FAM178B: variants seen among roughly 807,000 people sequenced by gnomAD.
FAM178B encodes the protein protein FAM178B.
Under a neutral mutation model 91.7 loss-of-function variants are expected in FAM178B, and 82 were observed. The observed-to-expected ratio is 0.89, with a 90% CI of 0.75 to 1.07. The LOEUF is 1.07. Among genes scored for constraint, FAM178B ranks in the 50% least tolerant of loss-of-function variants. The pLI is 0.00. For missense variants in FAM178B, 769 were observed against 846.7 expected, an observed-to-expected ratio of 0.91 and a Z score of 1.14; for synonymous variants, 368 against 359.4, an observed-to-expected ratio of 1.02 and a Z score of -0.27.
intron 13 of FAM178B, chr2:96,895,091 G>A (rs2080794374): frequency 1.6e-6 from 2 of 1,289,286 alleles, no homozygotes; most frequent in Non-Finnish European, 2.0e-6. Context: ...TCTTCATTCC[G>A]CCTGGCCTGT....
At chr2:96,975,534 T>G (rs1380131852) in intron 1 of FAM178B, among the ~76,000 whole-genome samples, 2 of 152,216 alleles carry the variant, frequency 1.3e-5, no homozygotes, top group Non-Finnish European at 2.9e-5. Flanking sequence ...GGGATATCCA[T>G]CACCTTAAAT....
At chr2:96,916,255 T>C (rs999940227) in intron 12 of FAM178B, among the ~76,000 whole-genome samples, 1 of 152,234 alleles carries the variant, frequency 6.6e-6, no homozygotes, top group African/African-American at 2.4e-5. Flanking sequence ...CAGGGAAGCA[T>C]ATGCCTGTTT....
rs565720011 is a variant in FAM178B at position 96,911,777 on chromosome 2, C to T, written c.1563-9070G>A. On this transcript the variant is annotated intron_variant, in intron 12 of 16. Transcript: ENST00000490605. ...GGGAGATTGGGGAGCTCCAGGGCAC[C>T]GAATCTGTCCATAGGACTCCAGGCC... Among the ~76,000 whole-genome samples the T allele has an allele frequency of 3.0e-4, 46 of 152,160 alleles. 1 individual carries two copies. The highest frequency in any genetic ancestry group is 1.0e-3 in the African/African-American group (42 of 41,518).
chr2:96,956,794 T>C (rs2082005590), intron 6 of FAM178B: 1 of 152,220 alleles, frequency 6.6e-6, no homozygotes, highest in East Asian at 1.9e-4. Context: ...TCCAGCATGT[T>C]CAGGGTGGCA....
intron 8 of FAM178B, among the ~76,000 whole-genome samples, chr2:96,943,947 A>T (rs1447479225): frequency 6.6e-6 from 1 of 152,006 alleles, no homozygotes; most frequent in Non-Finnish European, 1.5e-5. Flanking sequence ...ATCTCACATA[A>T]ACATCTATAT....
chr2:96,942,812 G>C (rs2081756916), intron 8 of FAM178B, among the ~76,000 whole-genome samples: 1 of 152,096 alleles, frequency 6.6e-6, no homozygotes, highest in Non-Finnish European at 1.5e-5. Flanking sequence ...ATAAACCAAT[G>C]GAATAAAATT....
At chr2:96,924,975 A>C (rs115365682) in intron 9 of FAM178B, among the ~76,000 whole-genome samples, 7 of 151,858 alleles carry the variant, frequency 4.6e-5, no homozygotes, top group Admixed American at 3.9e-4. Flanking sequence ...CGACAAACCA[A>C]ACTTGGTGGG....
chr2:96,877,644 C>T (rs1266972394), intron 16 of FAM178B: 1 of 498,062 alleles, frequency 2.0e-6, no homozygotes, highest in Non-Finnish European at 3.6e-6. Flanking sequence ...ATCCGCCCGC[C>T]TCAGTCTCCC....
At position 96,966,856 on chromosome 2, in the gene FAM178B, G is replaced by A. The variant is rs150148200; in HGVS notation, c.734+664C>T. Reference sequence around the variant, plus strand: ...AGAGACTTAGGCAGTCTGCAACCTGGAAGAGCGCTCTCACCAGGACCGACC... The same window carrying A: ...AGAGACTTAGGCAGTCTGCAACCTGAAAGAGCGCTCTCACCAGGACCGACC... On this transcript the variant is annotated intron_variant, in intron 5 of 16. Transcript: ENST00000490605. Among the ~76,000 whole-genome samples, 98 of 152,258 alleles carry A rather than the reference G, an allele frequency of 6.4e-4. 1 individual carries two copies. Among genetic ancestry groups the A allele is most frequent in the Admixed American group, 3.3e-4 (5 of 15,294 alleles).
At chr2:96,968,273 C>G (rs1190320912) in intron 4 of FAM178B, among the ~76,000 whole-genome samples, 1 of 152,090 alleles carries the variant, frequency 6.6e-6, no homozygotes, top group Non-Finnish European at 1.5e-5. Context: ...CGGCCTCACT[C>G]CTGGGGCTCT....
chr2:96,983,941 TTTC>T (rs1288818312), intron 1 of FAM178B, among the ~76,000 whole-genome samples: 5 of 152,216 alleles, frequency 3.3e-5, no homozygotes, highest in African/African-American at 1.2e-4. Context: ...ATTTGAGTTA[TTTC>T]TTGTTTCAAG....
intron 8 of FAM178B, among the ~76,000 whole-genome samples, chr2:96,945,515 T>C (rs1476331828): frequency 2.6e-5 from 4 of 152,106 alleles, no homozygotes; most frequent in African/African-American, 9.7e-5. Context: ...TGTTTACATA[T>C]GAGAAGCGGC....
intron 13 of FAM178B, chr2:96,894,985 T>G: frequency 6.6e-6 from 8 of 1,219,374 alleles, no homozygotes; most frequent in Non-Finnish European, 8.6e-6. Flanking sequence ...CCCTCTCTTT[T>G]GGTTTAACTC....
rs905186424 is a variant in FAM178B, at chr2:96,986,319, G to A, written c.-6C>T. On this transcript the variant is annotated 5_prime_UTR_variant, in exon 1 of 17. Coordinates refer to ENST00000490605, the MANE Select transcript of FAM178B (RefSeq NM_001122646.3). ...CCTGGAAGCCTTGGCCACATAGGGCGGGAAGGGCAGGGCTCCGGGGTGAGG... is the reference window on the plus strand; with the variant it reads ...CCTGGAAGCCTTGGCCACATAGGGCAGGAAGGGCAGGGCTCCGGGGTGAGG... 10 of 1,533,798 alleles carry A rather than the reference G, an allele frequency of 6.5e-6. No individual in the cohort carries two copies. Among genetic ancestry groups the A allele is most frequent in the Middle Eastern group, 2.2e-4 (1 of 4,580 alleles).
intron 14 of FAM178B, among the ~76,000 whole-genome samples, chr2:96,881,254 G>C (rs2080374895): frequency 7.4e-6 from 1 of 135,048 alleles, no homozygotes; most frequent in Non-Finnish European, 1.5e-5. Context: ...GTGGGCAACA[G>C]AGCAAAAGCT....
At chr2:96,925,889 C>T (rs1437033594) in intron 9 of FAM178B, among the ~76,000 whole-genome samples, 1 of 152,228 alleles carries the variant, frequency 6.6e-6, no homozygotes, top group African/African-American at 2.4e-5. Context: ...AGCACCACTA[C>T]CACCTTAACC....
At chr2:96,886,842 A>C (rs1484757761) in intron 14 of FAM178B, among the ~76,000 whole-genome samples, 1 of 152,214 alleles carries the variant, frequency 6.6e-6, no homozygotes, top group African/African-American at 2.4e-5. Flanking sequence ...TTCTGGGCTC[A>C]AGCCATCCTC....
intron 8 of FAM178B, among the ~76,000 whole-genome samples, chr2:96,936,244 C>T (rs2081624714): frequency 6.6e-6 from 1 of 152,086 alleles, no homozygotes; most frequent in African/African-American, 2.4e-5. Context: ...CTCTGTTGCC[C>T]AGGCTGGGGT....
At chr2:96,915,104 A>G (rs1009345226) in intron 12 of FAM178B, among the ~76,000 whole-genome samples, 2 of 149,410 alleles carry the variant, frequency 1.3e-5, no homozygotes, top group Non-Finnish European at 3.0e-5. Flanking sequence ...GAAATTATCT[A>G]TAACCAAATT....
Sources: allele counts gnomAD v4.1 joint callset (sites outside exome capture counted in the v4.1 genomes callset), GRCh38; gene constraint gnomAD v4.1.1; transcripts MANE v1.5; gene names NCBI Gene and HGNC (gene_info 2026-07-23, HGNC 2026-07-21).